The following CCDC102B variants were observed in gnomAD, a reference collection of about 807,000 sequenced individuals.
The protein encoded by CCDC102B is coiled-coil domain-containing protein 102B.
Under a neutral mutation model 57.4 loss-of-function variants are expected in CCDC102B, and 75 were observed. That is an observed-to-expected ratio of 1.31 (90% CI 1.08 to 1.58). The LOEUF (loss-of-function observed/expected upper bound fraction) is 1.58, where lower values mean the gene tolerates loss of function less well. Among genes scored for constraint, CCDC102B ranks in the 40% most tolerant of loss-of-function variants. CCDC102B has a pLI of 0.00. For missense variants in CCDC102B, 636 were observed against 582.6 expected, an observed-to-expected ratio of 1.09 and a Z score of -0.94; for synonymous variants, 206 against 201.9, an observed-to-expected ratio of 1.02 and a Z score of -0.17.
chr18:68,906,785 A>G (rs537149262), intron 6 of CCDC102B, among the ~76,000 whole-genome samples: 2 of 149,148 alleles, frequency 1.3e-5, no homozygotes, highest in South Asian at 2.1e-4. Flanking sequence ...TTTATGTCAT[A>G]TTTTCACTTT....
chr18:69,057,923 A>G (rs1598969388), downstream of CCDC102B, among the ~76,000 whole-genome samples: 1 of 152,026 alleles, frequency 6.6e-6, no homozygotes, highest in East Asian at 1.9e-4. Context: ...GAAGTTTGCT[A>G]TATGAATGAT....
rs200710044 is a variant in CCDC102B, at chr18:68,850,993, GTTA to G, written c.936+4575_936+4577del. On this transcript the variant is annotated intron_variant, in intron 4 of 7. Transcript: ENST00000360242. ...TTAAAAGACTTTATCAAACTGTGTG[GTTA>G]TTTTTATATTTGTTTACTGTTGCCT... 8.4e-3 allele frequency among the ~76,000 whole-genome samples: 1,282 copies of G among 152,060 alleles called. 16 individuals carry two copies. The highest frequency in any genetic ancestry group is 0.035 in the East Asian group (180 of 5,174).
At chr18:68,783,884 A>C (rs1466346868) in intron 2 of CCDC102B, among the ~76,000 whole-genome samples, 1 of 152,108 alleles carries the variant, frequency 6.6e-6, no homozygotes, top group African/African-American at 2.4e-5. Flanking sequence ...AACATTTATG[A>C]GTGTTTTTGA....
chr18:69,056,018 G>A (rs2052809590), downstream of CCDC102B, among the ~76,000 whole-genome samples: 1 of 152,022 alleles, frequency 6.6e-6, no homozygotes, highest in Admixed American at 6.6e-5. Context: ...TATGAACAAA[G>A]CATTTTCTAG....
At chr18:69,023,510 T>G (rs1418169009) in intron 7 of CCDC102B, among the ~76,000 whole-genome samples, 3 of 151,634 alleles carry the variant, frequency 2.0e-5, no homozygotes, top group Non-Finnish European at 2.9e-5. Context: ...AATCTAATCT[T>G]TATTATAATC....
At chr18:68,998,578 G>A (rs1355841815) in intron 6 of CCDC102B, among the ~76,000 whole-genome samples, 2 of 41,548 alleles carry the variant, frequency 4.8e-5, no homozygotes, top group East Asian at 5.6e-4. Context: ...AAGCCAGTCC[G>A]AGTACCAAAA....
chr18:68,980,994 A>G (rs1277637700), intron 6 of CCDC102B, among the ~76,000 whole-genome samples: 1 of 152,082 alleles, frequency 6.6e-6, no homozygotes, highest in Non-Finnish European at 1.5e-5. Flanking sequence ...TATTGCACCA[A>G]TTCAGGAAAG....
intron 1 of CCDC102B, among the ~76,000 whole-genome samples, chr18:68,809,577 A>T (rs1192725967): frequency 2.0e-5 from 3 of 146,518 alleles, no homozygotes; most frequent in Non-Finnish European, 4.5e-5. Context: ...AAAACTTTCC[A>T]TTTAATAGCT....
intron 2 of CCDC102B, among the ~76,000 whole-genome samples, chr18:68,735,913 C>T (rs2033104965): frequency 6.6e-6 from 1 of 152,158 alleles, no homozygotes; most frequent in Non-Finnish European, 1.5e-5. Flanking sequence ...TCCTTAGAAC[C>T]TGGCATTAGA....
At chr18:68,768,738 A>G (rs1307397999) in intron 2 of CCDC102B, among the ~76,000 whole-genome samples, 3 of 151,842 alleles carry the variant, frequency 2.0e-5, no homozygotes, top group African/African-American at 7.2e-5. Context: ...AAATAGATAT[A>G]TCAATATTTA....
intron 4 of CCDC102B, among the ~76,000 whole-genome samples, chr18:68,854,492 A>C (rs1013131469): frequency 2.0e-5 from 3 of 152,206 alleles, no homozygotes; most frequent in Non-Finnish European, 4.4e-5. Flanking sequence ...CATATCCTCC[A>C]TGAGTTTTGC....
intron 6 of CCDC102B, among the ~76,000 whole-genome samples, chr18:68,977,131 A>G (rs2050458881): frequency 6.6e-6 from 1 of 151,946 alleles, no homozygotes; most frequent in African/African-American, 2.4e-5. Flanking sequence ...TTGGTTCTTG[A>G]CTATAAGAAA....
intron 2 of CCDC102B, chr18:68,753,958 T>C (rs908675865): frequency 2.0e-5 from 3 of 152,138 alleles, no homozygotes; most frequent in Non-Finnish European, 4.4e-5. Context: ...GATTCAAATA[T>C]TCTATTTTCT....
chr18:68,980,606 G>A (rs2050554249), intron 6 of CCDC102B, among the ~76,000 whole-genome samples: 4 of 152,114 alleles, frequency 2.6e-5, no homozygotes, highest in Non-Finnish European at 5.9e-5. Context: ...AAATAAGATG[G>A]TCAGATGAGG....
chr18:68,795,654 T>G (rs1599472547), upstream of CCDC102B, among the ~76,000 whole-genome samples: 1 of 152,272 alleles, frequency 6.6e-6, no homozygotes, highest in African/African-American at 2.4e-5. Flanking sequence ...TCCCTCTTCT[T>G]ATGAGGATAC....
intron 7 of CCDC102B, among the ~76,000 whole-genome samples, chr18:69,026,232 T>G (rs894407802): frequency 1.3e-5 from 2 of 151,954 alleles, no homozygotes; most frequent in Non-Finnish European, 2.9e-5. Context: ...TTGGAAGGCC[T>G]TGGCGGGTGG....
intron 5 of CCDC102B, among the ~76,000 whole-genome samples, chr18:68,876,724 ATAGATT>A (rs1445863597): frequency 6.6e-6 from 1 of 152,200 alleles, no homozygotes; most frequent in Non-Finnish European, 1.5e-5. Context: ...TGTTAGTGAT[ATAGATT>A]TAAACATTCT....
chr18:68,950,175 CT>C (rs993226412), intron 6 of CCDC102B, among the ~76,000 whole-genome samples: 1 of 151,942 alleles, frequency 6.6e-6, no homozygotes, highest in African/African-American at 2.4e-5. Context: ...TTGGTAATGC[CT>C]TTTTTTCTGG....
intron 2 of CCDC102B, among the ~76,000 whole-genome samples, chr18:68,785,075 G>C (rs888573355): frequency 2.9e-4 from 43 of 149,908 alleles, no homozygotes; most frequent in African/African-American, 9.8e-4. Context: ...AGAATATGCG[G>C]TGTTTGGTTT....
Sources: gnomAD v4.1 joint callset for allele counts (sites outside exome capture counted in the v4.1 genomes callset) on GRCh38, gnomAD v4.1.1 for gene constraint, MANE v1.5 for transcripts, NCBI Gene and HGNC (gene_info 2026-07-23, HGNC 2026-07-21) for gene names.